The following LRCH1 variants were observed in gnomAD, a reference collection of about 807,000 sequenced individuals.
LRCH1 encodes the protein leucine rich repeats and calponin homology domain containing 1, also known as leucine-rich repeat and calponin homology domain-containing protein 1.
In LRCH1, 23 loss-of-function variants were observed where a neutral mutation model predicts 94.9. That is an observed-to-expected ratio of 0.24 (90% confidence interval 0.17 to 0.34). LRCH1 has a LOEUF of 0.34. Ranked by LOEUF, LRCH1 falls within the 10% of genes least tolerant of loss-of-function variation. The probability of loss-of-function intolerance (pLI) is 1.00; values close to 1 mark genes in which losing one functional copy is unlikely to be tolerated. For synonymous variants in LRCH1, 364 were observed against 354.9 expected (o/e 1.03, Z -0.29); for missense variants, 790 against 945.9 (o/e 0.84, Z 2.16).
At chr13:46,636,710 GGCA>G (rs1309133380) in intron 1 of LRCH1, among the ~76,000 whole-genome samples, 5 of 152,130 alleles carry the variant, frequency 3.3e-5, no homozygotes, top group Non-Finnish European at 5.9e-5. Context: ...GATTTGGCCC[GGCA>G]GCAGCTATAG....
At chr13:46,732,461 G>A (rs548998409) in intron 18 of LRCH1, among the ~76,000 whole-genome samples, 1 of 152,310 alleles carries the variant, frequency 6.6e-6, no homozygotes, top group East Asian at 1.9e-4. Context: ...AATCTTTGAA[G>A]ACGCCCTCCC....
At chr13:46,733,613 A>G (rs1873220919) in intron 18 of LRCH1, among the ~76,000 whole-genome samples, 1 of 152,172 alleles carries the variant, frequency 6.6e-6, no homozygotes, top group African/African-American at 2.4e-5. Flanking sequence ...TTTTGCATAC[A>G]TATACATCAG....
At chr13:46,651,601 C>T (rs1427856313) in intron 2 of LRCH1, among the ~76,000 whole-genome samples, 1 of 148,480 alleles carries the variant, frequency 6.7e-6, no homozygotes, top group African/African-American at 2.5e-5. Context: ...GCAGAGGTTG[C>T]GGTGAGCCAA....
intron 1 of LRCH1, among the ~76,000 whole-genome samples, chr13:46,602,183 G>A (rs2050635447): frequency 6.6e-6 from 1 of 152,238 alleles, no homozygotes. Flanking sequence ...ATGCAACTAT[G>A]TATAGCTGAC....
At chr13:46,708,594 A>G (rs1871897181) in intron 13 of LRCH1, among the ~76,000 whole-genome samples, 2 of 152,282 alleles carry the variant, frequency 1.3e-5, no homozygotes, top group South Asian at 2.1e-4. Context: ...TTAATCTAAT[A>G]GCAATACATG....
intron 1 of LRCH1, among the ~76,000 whole-genome samples, chr13:46,603,823 A>T (rs2050658373): frequency 6.6e-6 from 1 of 151,976 alleles, no homozygotes; most frequent in South Asian, 2.1e-4. Flanking sequence ...TAGCTGGCTA[A>T]TTTTTAATTT....
intron 1 of LRCH1, among the ~76,000 whole-genome samples, chr13:46,573,428 C>T (rs1594253357): frequency 6.6e-6 from 1 of 152,236 alleles, no homozygotes; most frequent in East Asian, 1.9e-4. Context: ...ATCTGCACCC[C>T]CATGTTTGTT....
At position 46,603,014 on chromosome 13, in the gene LRCH1, TTAAA is replaced by T. The variant is rs751584327; in HGVS notation, c.308-47183_308-47180del. ...TACATACATACATACATGTAAATAA[TTAAA>T]TAACTCATTTCTTGTCAGATAAATG... On this transcript the variant is annotated intron_variant, in intron 1 of 19. Transcript: ENST00000389797. Among the ~76,000 whole-genome samples, 143 of 98,560 alleles carry T rather than the reference TTAAA, an allele frequency of 1.5e-3. 2 individuals carry two copies. Among genetic ancestry groups the T allele is most frequent in the Non-Finnish European group, 6.5e-4 (30 of 46,022 alleles). 64.7% of individuals were successfully genotyped at this position (98,560 alleles called of 152,430 possible).
intron 18 of LRCH1, 62 bp from the exon 19 acceptor site, chr13:46,733,859 C>T (rs1208250057): frequency 6.0e-6 from 6 of 1,003,270 alleles, no homozygotes; most frequent in Non-Finnish European, 8.8e-6. Context: ...TAAAATTTAA[C>T]ATGTTATTAA....
At chr13:46,720,342 G>T (rs1465816203) in intron 16 of LRCH1, among the ~76,000 whole-genome samples, 2 of 151,950 alleles carry the variant, frequency 1.3e-5, no homozygotes, top group Non-Finnish European at 2.9e-5. Context: ...AGCCGAGATC[G>T]CACCATTGCA....
At chr13:46,619,597 T>C (rs2050857078) in intron 1 of LRCH1, among the ~76,000 whole-genome samples, 2 of 152,184 alleles carry the variant, frequency 1.3e-5, no homozygotes, top group Admixed American at 6.5e-5. Flanking sequence ...AGAAGATACT[T>C]GATTAGAGAA....
intron 1 of LRCH1, among the ~76,000 whole-genome samples, chr13:46,602,430 G>A (rs753048107): frequency 1.3e-5 from 2 of 152,126 alleles, no homozygotes; most frequent in Non-Finnish European, 2.9e-5. Context: ...GTCTGCAGTG[G>A]ATCTAAATCA....
chr13:46,653,329 C>CGT lies in LRCH1; in HGVS notation c.452+2984_452+2985insGT, dbSNP rs577560765. On this transcript the variant is annotated intron_variant, in intron 2 of 19. Transcript: ENST00000389797. ...TTACCATGTTTGAGACCTATTCTCC[C>CGT]ATACTGAATCATGTGCTCTTTGAAG... 6.2e-3 allele frequency among the ~76,000 whole-genome samples: 937 copies of CGT among 152,182 alleles called. 6 individuals are homozygous for CGT. The highest frequency in any genetic ancestry group is 0.022 in the African/African-American group (893 of 41,498).
chr13:46,672,394 A>G (rs2051612819), intron 3 of LRCH1, among the ~76,000 whole-genome samples: 1 of 151,860 alleles, frequency 6.6e-6, no homozygotes, highest in African/African-American at 2.4e-5. Context: ...GGTGAGATCA[A>G]TCTTCTGGAA....
chr13:46,631,495 A>G (rs2051017003), intron 1 of LRCH1, among the ~76,000 whole-genome samples: 1 of 152,236 alleles, frequency 6.6e-6, no homozygotes, highest in Non-Finnish European at 1.5e-5. Context: ...TTACCCATAA[A>G]ATAGCAATTT....
chr13:46,719,457 G>A (rs1872497976), intron 16 of LRCH1, among the ~76,000 whole-genome samples: 1 of 152,170 alleles, frequency 6.6e-6, no homozygotes, highest in Non-Finnish European at 1.5e-5. Context: ...GAGTGCCATG[G>A]GAGAGACACA....
intron 1 of LRCH1, among the ~76,000 whole-genome samples, chr13:46,601,010 T>C (rs1174661419): frequency 1.3e-5 from 2 of 152,230 alleles, no homozygotes; most frequent in African/African-American, 4.8e-5. Context: ...GCAGGTTGAA[T>C]GTTCCATAGA....
intron 11 of LRCH1, among the ~76,000 whole-genome samples, chr13:46,704,248 G>A (rs1432647063): frequency 6.6e-6 from 1 of 152,062 alleles, no homozygotes; most frequent in African/African-American, 2.4e-5. Context: ...CTGAATATTA[G>A]TAATAAAAAA....
At chr13:46,695,526 CCTT>C (rs1871138457) in intron 9 of LRCH1, among the ~76,000 whole-genome samples, 1 of 152,160 alleles carries the variant, frequency 6.6e-6, no homozygotes, top group African/African-American at 2.4e-5. Flanking sequence ...GTCAGGAAAA[CCTT>C]CATCTTGGCA....
Sources: allele counts gnomAD v4.1 joint callset (sites outside exome capture counted in the v4.1 genomes callset), GRCh38; gene constraint gnomAD v4.1.1; transcripts MANE v1.5; gene names NCBI Gene and HGNC (gene_info 2026-07-23, HGNC 2026-07-21).